Variants in ABCC9 observed in about 807,000 individuals in gnomAD.
The protein encoded by ABCC9 is ATP binding cassette subfamily C member 9, also known as ATP-binding cassette sub-family C member 9.
In ABCC9, 95 loss-of-function variants were observed where a neutral mutation model predicts 188.3. The ratio of observed to expected loss-of-function variants is 0.50; its 90% confidence interval spans 0.43 to 0.60. The LOEUF (loss-of-function observed/expected upper bound fraction) is 0.60, where lower values mean the gene tolerates loss of function less well. ABCC9 is among the 20% of genes least tolerant of loss of function. ABCC9 has a pLI of 0.00. For missense variants in ABCC9, 1,102 were observed against 1,876.3 expected, an observed-to-expected ratio of 0.59 and a Z score of 7.62; for synonymous variants, 659 against 652.7, an observed-to-expected ratio of 1.01 and a Z score of -0.15.
chr12:21,894,970 A>C (rs1207135368), intron 13 of ABCC9, among the ~76,000 whole-genome samples: 1 of 152,224 alleles, frequency 6.6e-6, no homozygotes, highest in Non-Finnish European at 1.5e-5. Context: ...ATGTACCAGC[A>C]TACATTTGGC....
intron 5 of ABCC9, chr12:21,923,547 CA>C (rs1337460031): frequency 1.5e-5 from 5 of 333,904 alleles, no homozygotes; most frequent in Admixed American, 1.4e-4. Context: ...ACATAATTAG[CA>C]ATCAGATAAA....
Position 21,863,026 on chromosome 12 carries a change from C to G in ABCC9, c.2266G>C (p.Ala756Pro). ...GCATTTAATAGCCAAGGCTTTTGAG[C>G]TGCATATGCCACAGAGTACCTGTTC... is the stretch of plus-strand genomic sequence containing the variant. ...SRNRYSVAYA[A>P]QKPWLLNATV... The change falls in exon 20 of 40, where the codon GCT becomes CCT. Residue 756 changes from alanine (A) to proline (P), a missense_variant. Physicochemically the swap from Ala to Pro is conservative, Grantham distance 27. This residue lies in a region of ABCC9 where 258 missense variants were observed against 325.6 expected (regional missense o/e 0.79). Transcript: ENST00000261200. 6.2e-7 allele frequency: 1 copy of G among 1,611,826 alleles called. No homozygotes were observed. Among genetic ancestry groups the G allele is most frequent in the Non-Finnish European group, 8.5e-7 (1 of 1,178,734 alleles).
chr12:21,898,033 G>A (rs1269689407), intron 12 of ABCC9, among the ~76,000 whole-genome samples: 1 of 152,156 alleles, frequency 6.6e-6, no homozygotes, highest in Non-Finnish European at 1.5e-5. Flanking sequence ...CAGGCATTGT[G>A]GCTCATGCCT....
chr12:21,864,309 G>A, intron 19 of ABCC9, 130 bp downstream of exon 19: 2 of 712,214 alleles, frequency 2.8e-6, no homozygotes, highest in African/African-American at 1.8e-5. Flanking sequence ...AACCACTGCT[G>A]TTGGAAATAT....
chr12:21,842,377 A>G lies in ABCC9; in HGVS notation c.3410T>C (p.Val1137Ala). ...MISYATPVFL[V>A]ALLPLGVAFY... ...GGCAACACCAAGGGGCAGGAGAGCA[A>G]CCAGGAACACAGGAGTAGCATAAGA... Residue 1137 changes from valine to alanine, a missense_variant, in exon 29 of 40, where the codon GTT becomes GCT. Val to Ala is a moderately conservative substitution (Grantham distance 64). Around this residue, in one of 12 missense-constraint regions of ABCC9, gnomAD observed 12 missense variants for 57.2 expected, o/e 0.21. Transcript: ENST00000261200. 6.2e-7 allele frequency: 1 copy of G among 1,614,184 alleles called. No homozygotes were observed. The highest frequency in any genetic ancestry group is 2.2e-5 in the East Asian group (1 of 44,880).
intron 28 of ABCC9, among the ~76,000 whole-genome samples, 175 bp downstream of exon 28, chr12:21,844,308 C>A (rs922615562): frequency 6.6e-6 from 1 of 152,084 alleles, no homozygotes; most frequent in South Asian, 2.1e-4. Flanking sequence ...TTAAGATTTT[C>A]CTTTAAGATT....
Position 21,807,093 on chromosome 12 carries a change from C to T in ABCC9, c.4449+253G>A, listed in dbSNP as rs756705188. Among the ~76,000 whole-genome samples, 37 of 152,224 alleles carry T rather than the reference C, an allele frequency of 2.4e-4. 1 individual carries two copies. The Middle Eastern group carries it at 0.014, about 56-fold the overall frequency. ...AACTAAGCCCTGGAAATTTACTGTT[C>T]TGAAAATTTTTCAAAAAGTTGTGGC... On this transcript the variant is annotated intron_variant, in intron 38 of 39. Coordinates refer to ENST00000261200, the MANE Select transcript of ABCC9 (RefSeq NM_020297.4).
intron 32 of ABCC9, 49 bp from the exon 33 acceptor site, chr12:21,817,356 GT>G: frequency 6.3e-7 from 1 of 1,596,814 alleles, no homozygotes; most frequent in Non-Finnish European, 8.6e-7. Flanking sequence ...AAAGTAAGAA[GT>G]TGTGGTTAAT....
chr12:21,862,994 T>G lies in ABCC9; in HGVS notation c.2298A>C (p.Val766=). The change falls in exon 20 of 40, where the codon GTA becomes GTC. Residue 766 remains valine, a synonymous_variant. Transcript: ENST00000261200. The part of the protein sequence containing the change: ...AQKPWLLNAT[V]EENITFGSPF... ...GACTTCCAAAAGTAATATTTTCTTC[T>G]ACTGTAGCATTTAATAGCCAAGGCT... 1 of 1,612,810 alleles carries G rather than the reference T, an allele frequency of 6.2e-7. No homozygotes were observed.
At chr12:21,911,607 T>C (rs1948326731) in intron 8 of ABCC9, among the ~76,000 whole-genome samples, 1 of 151,956 alleles carries the variant, frequency 6.6e-6, no homozygotes, top group Non-Finnish European at 1.5e-5. Context: ...GGTAACTTGT[T>C]TGTTAGAAAA....
chr12:21,858,258 T>C (rs973741574), intron 22 of ABCC9, among the ~76,000 whole-genome samples: 4 of 151,984 alleles, frequency 2.6e-5, no homozygotes, highest in Non-Finnish European at 5.9e-5. Flanking sequence ...CATTTCTAGT[T>C]GTGGATCCAT....
intron 13 of ABCC9, among the ~76,000 whole-genome samples, chr12:21,894,950 A>G (rs894052879): frequency 9.9e-5 from 15 of 152,152 alleles, no homozygotes; most frequent in East Asian, 1.9e-4. Context: ...TCATTTTGCA[A>G]TGTTTGCAAA....
chr12:21,898,524 G>T (rs1222827242), intron 12 of ABCC9, among the ~76,000 whole-genome samples: 1 of 152,054 alleles, frequency 6.6e-6, no homozygotes, highest in African/African-American at 2.4e-5. Context: ...AGAATAAAGG[G>T]GCTATATAGG....
At chr12:21,939,944 T>C (rs1013349455) in intron 2 of ABCC9, among the ~76,000 whole-genome samples, 1 of 152,228 alleles carries the variant, frequency 6.6e-6, no homozygotes, top group Non-Finnish European at 1.5e-5. Flanking sequence ...CTAGAACATA[T>C]ACATTTTGGA....
intron 5 of ABCC9, among the ~76,000 whole-genome samples, chr12:21,919,846 T>C (rs1948735342): frequency 6.6e-6 from 1 of 152,020 alleles, no homozygotes; most frequent in African/African-American, 2.4e-5. Context: ...CTTCATTACA[T>C]AGATGTAAAA....
chr12:21,809,593 T>C (rs1007683863), intron 37 of ABCC9, among the ~76,000 whole-genome samples: 1 of 152,080 alleles, frequency 6.6e-6, no homozygotes, highest in Non-Finnish European at 1.5e-5. Flanking sequence ...CCACCAATTG[T>C]GAAAAGATGG....
intron 24 of ABCC9, among the ~76,000 whole-genome samples, chr12:21,848,973 T>A (rs998369190): frequency 1.3e-5 from 2 of 152,148 alleles, no homozygotes; most frequent in Non-Finnish European, 2.9e-5. Flanking sequence ...CATGCCCTGC[T>A]TCCAACACAC....
intron 16 of ABCC9, 107 bp downstream of exon 16, chr12:21,882,659 G>A: frequency 1.9e-6 from 2 of 1,029,578 alleles, no homozygotes; most frequent in South Asian, 2.7e-5. Flanking sequence ...AATGACAACT[G>A]TAAAAACAAT....
intron 19 of ABCC9, among the ~76,000 whole-genome samples, chr12:21,863,591 C>T (rs1354447889): frequency 1.3e-5 from 2 of 152,086 alleles, no homozygotes; most frequent in African/African-American, 2.4e-5. Context: ...ATATTGAAAT[C>T]GTGCATGTAA....
Sources: gnomAD v4.1 joint callset for allele counts (sites outside exome capture counted in the v4.1 genomes callset) on GRCh38, gnomAD v4.1.1 for gene constraint, gnomAD v4.1.1 regional missense constraint, MANE v1.5 for transcripts, NCBI Gene and HGNC (gene_info 2026-07-23, HGNC 2026-07-21) for gene names.